NAV2: variants seen among roughly 807,000 people sequenced by gnomAD.
NAV2 encodes helicase, APC down-regulated 1.
A neutral mutation model predicts 223.2 loss-of-function variants in NAV2; 54 were observed. That is an observed-to-expected ratio of 0.24 (90% CI 0.19 to 0.30). The LOEUF (loss-of-function observed/expected upper bound fraction) is 0.30, where lower values mean the gene tolerates loss of function less well. NAV2 is among the 10% of genes least tolerant of loss of function. The pLI is 1.00. For missense variants in NAV2, 2,806 were observed against 3,147.5 expected, an observed-to-expected ratio of 0.89 and a Z score of 2.60; for synonymous variants, 1,279 against 1,239.3, an observed-to-expected ratio of 1.03 and a Z score of -0.67.
intron 1 of NAV2, among the ~76,000 whole-genome samples, chr11:19,463,904 C>A (rs1590252908): frequency 2.0e-5 from 3 of 152,040 alleles, no homozygotes; most frequent in South Asian, 4.1e-4. Context: ...GTCAGGGGAC[C>A]CTCACCATGC....
chr11:19,776,632 A>ATTGTGTGTG (rs766884791), intron 1 of NAV2, among the ~76,000 whole-genome samples: 2 of 64,616 alleles, frequency 3.1e-5, no homozygotes, highest in Admixed American at 1.5e-4. Flanking sequence ...GGGTCAGAAA[A>ATTGTGTGTG]TGTGTGTGTG....
At chr11:19,878,655 A>T (rs1281812133) in intron 4 of NAV2, among the ~76,000 whole-genome samples, 1 of 152,190 alleles carries the variant, frequency 6.6e-6, no homozygotes, top group Non-Finnish European at 1.5e-5. Context: ...GCCTGGAGAA[A>T]GGGATGCTCC....
intron 1 of NAV2, among the ~76,000 whole-genome samples, chr11:19,819,213 C>G (rs1257189745): frequency 1.3e-5 from 2 of 152,066 alleles, no homozygotes; most frequent in Non-Finnish European, 2.9e-5. Context: ...GTTACAACAG[C>G]CAGGATAAAG....
At chr11:20,092,958 C>T in intron 28 of NAV2, 141 bp from the exon 29 acceptor site, 2 of 541,202 alleles carry the variant, frequency 3.7e-6, no homozygotes, top group South Asian at 2.2e-5. Context: ...CCATTTTGCC[C>T]TCTCCTCTTC....
At chr11:19,931,318 C>A (rs1435762475) in intron 6 of NAV2, among the ~76,000 whole-genome samples, 1 of 152,144 alleles carries the variant, frequency 6.6e-6, no homozygotes, top group East Asian at 1.9e-4. Context: ...TTGTGAGGCA[C>A]CCTCCCTCCA....
intron 5 of NAV2, among the ~76,000 whole-genome samples, chr11:19,891,244 T>G (rs2041472869): frequency 6.6e-6 from 1 of 152,190 alleles, no homozygotes; most frequent in African/African-American, 2.4e-5. Context: ...TGTCACTAGA[T>G]CTAATGCTAG....
rs141204202 is a variant in NAV2 at position 19,875,566 on chromosome 11, C to T, written c.512-4303C>T. On this transcript the variant is annotated intron_variant, in intron 4 of 37. Transcript: ENST00000349880. ...TCTGTATTGCATGATTCTATTTATGCGAAATATCCAGAAAAGGCAAATCTG... is the reference window on the plus strand; with the variant it reads ...TCTGTATTGCATGATTCTATTTATGTGAAATATCCAGAAAAGGCAAATCTG... Among the ~76,000 whole-genome samples the T allele has an allele frequency of 2.8e-3, 433 of 152,092 alleles. 4 individuals are homozygous for T. The highest frequency in any genetic ancestry group is 2.8e-3 in the Non-Finnish European group (191 of 68,002).
intron 1 of NAV2, among the ~76,000 whole-genome samples, chr11:19,468,528 C>T (rs1714668291): frequency 6.6e-6 from 1 of 152,186 alleles, no homozygotes; most frequent in South Asian, 2.1e-4. Context: ...TTCTGTGTCT[C>T]TCTCCTCTTC....
intron 1 of NAV2, among the ~76,000 whole-genome samples, chr11:19,382,558 G>T (rs1306630595): frequency 6.6e-6 from 1 of 152,180 alleles, no homozygotes; most frequent in East Asian, 1.9e-4. Flanking sequence ...AGCTCTGTGG[G>T]AAGTAATTGT....
chr11:19,507,782 G>A (rs545549383), intron 1 of NAV2, among the ~76,000 whole-genome samples: 3 of 152,188 alleles, frequency 2.0e-5, no homozygotes, highest in East Asian at 3.9e-4. Flanking sequence ...CCTATGTTGT[G>A]TACATTATCT....
intron 1 of NAV2, among the ~76,000 whole-genome samples, chr11:19,826,887 G>A (rs553151100): frequency 1.3e-5 from 2 of 152,278 alleles, no homozygotes; most frequent in East Asian, 1.9e-4. Flanking sequence ...TCTACCTGGC[G>A]ACCACTTACC....
chr11:19,849,200 G>C (rs1033145404), intron 3 of NAV2, among the ~76,000 whole-genome samples: 2 of 152,160 alleles, frequency 1.3e-5, no homozygotes, highest in Admixed American at 6.5e-5. Flanking sequence ...CCTAGGGAGA[G>C]GCAGAGTTGG....
chr11:19,427,105 C>T (rs552864167), intron 1 of NAV2, among the ~76,000 whole-genome samples: 3 of 152,280 alleles, frequency 2.0e-5, no homozygotes, highest in African/African-American at 7.2e-5. Flanking sequence ...GAAAAACGAC[C>T]CATATCAAAA....
At chr11:19,930,224 C>T (rs2045198789) in intron 6 of NAV2, among the ~76,000 whole-genome samples, 1 of 152,092 alleles carries the variant, frequency 6.6e-6, no homozygotes, top group East Asian at 1.9e-4. Context: ...TCTCAGATGG[C>T]CATTTCACCA....
chr11:19,587,450 A>G (rs1175429460), intron 1 of NAV2, among the ~76,000 whole-genome samples: 1 of 151,926 alleles, frequency 6.6e-6, no homozygotes, highest in Non-Finnish European at 1.5e-5. Flanking sequence ...CGCAGAAATC[A>G]CCCATCTTCT....
At chr11:19,617,415 A>C (rs886908324) in intron 1 of NAV2, among the ~76,000 whole-genome samples, 1 of 152,114 alleles carries the variant, frequency 6.6e-6, no homozygotes, top group Non-Finnish European at 1.5e-5. Context: ...TGGGTATATC[A>C]GCTATTAACT....
intron 1 of NAV2, among the ~76,000 whole-genome samples, chr11:19,785,362 A>G (rs766192336): frequency 2.0e-5 from 3 of 152,212 alleles, no homozygotes; most frequent in Non-Finnish European, 4.4e-5. Flanking sequence ...GAGAAGAGAG[A>G]GCACTTAGAA....
intron 1 of NAV2, among the ~76,000 whole-genome samples, chr11:19,783,218 T>C (rs2056867946): frequency 6.6e-6 from 1 of 152,232 alleles, no homozygotes; most frequent in African/African-American, 2.4e-5. Flanking sequence ...ATGTGAAGTT[T>C]CAGGATTCAA....
At chr11:19,747,148 GT>G (rs1167292349) in intron 1 of NAV2, among the ~76,000 whole-genome samples, 7 of 147,126 alleles carry the variant, frequency 4.8e-5, no homozygotes, top group Non-Finnish European at 9.0e-5. Context: ...GCGGTATTTG[GT>G]TTTTTGTCCT....
Sources: gnomAD v4.1 joint callset for allele counts (sites outside exome capture counted in the v4.1 genomes callset) on GRCh38, gnomAD v4.1.1 for gene constraint, MANE v1.5 for transcripts, NCBI Gene and HGNC (gene_info 2026-07-23, HGNC 2026-07-21) for gene names.